APBA2: variants seen among roughly 807,000 people sequenced by gnomAD.
APBA2 encodes amyloid beta precursor protein binding family A member 2.
In APBA2, 30 loss-of-function variants were observed where a neutral mutation model predicts 75.0. That is an observed-to-expected ratio of 0.40 (90% CI 0.30 to 0.54). APBA2 has a LOEUF of 0.54. APBA2 is among the 20% of genes least tolerant of loss of function. The pLI, the probability that APBA2 is intolerant of heterozygous loss-of-function variation, is 0.49. For synonymous variants in APBA2, 444 were observed against 409.6 expected (o/e 1.08, Z -1.01); for missense variants, 801 against 1,016.1 (o/e 0.79, Z 2.88).
intron 6 of APBA2, among the ~76,000 whole-genome samples, chr15:29,091,058 G>A (rs568535847): frequency 1.3e-4 from 20 of 152,228 alleles, no homozygotes; most frequent in Admixed American, 9.2e-4. Flanking sequence ...TGATTCTCCT[G>A]GTGACAGGAG....
At chr15:28,922,038 C>G (rs967495697) in intron 2 of APBA2, among the ~76,000 whole-genome samples, 1 of 152,206 alleles carries the variant, frequency 6.6e-6, no homozygotes, top group Admixed American at 6.5e-5. Context: ...AGTCTCACCT[C>G]GGAGATCCTG....
At chr15:28,934,909 C>T (rs1476236053) in intron 2 of APBA2, among the ~76,000 whole-genome samples, 2 of 152,200 alleles carry the variant, frequency 1.3e-5, no homozygotes, top group Admixed American at 6.5e-5. Context: ...TGGGATAGAG[C>T]CCGGAGACCT....
chr15:28,988,373 C>T (rs1236308859), intron 2 of APBA2, among the ~76,000 whole-genome samples: 1 of 151,754 alleles, frequency 6.6e-6, no homozygotes. Flanking sequence ...AAGCGATTCT[C>T]CTACCTCAGC....
chr15:28,919,511 C>G (rs2033857089), intron 1 of APBA2: 1 of 152,702 alleles, frequency 6.5e-6, no homozygotes, highest in African/African-American at 2.4e-5. Flanking sequence ...TGCAGTGTGG[C>G]GTGCTGTGGG....
intron 1 of APBA2, among the ~76,000 whole-genome samples, chr15:28,907,322 T>C (rs893729412): frequency 6.6e-6 from 1 of 152,256 alleles, no homozygotes; most frequent in African/African-American, 2.4e-5. Flanking sequence ...TTCTGGATTC[T>C]CCATTCTAAT....
At chr15:29,004,025 G>A (rs542123167) in intron 3 of APBA2, among the ~76,000 whole-genome samples, 1 of 152,330 alleles carries the variant, frequency 6.6e-6, no homozygotes, top group Admixed American at 6.5e-5. Context: ...TGCTGCAGAT[G>A]TGTGGGGTGG....
At chr15:28,965,344 C>T (rs1183079851) in intron 2 of APBA2, among the ~76,000 whole-genome samples, 3 of 152,148 alleles carry the variant, frequency 2.0e-5, no homozygotes, top group African/African-American at 7.2e-5. Context: ...GTGTCTCTCC[C>T]TTTGCCTATA....
At chr15:29,071,169 A>C in intron 4 of APBA2, 1 of 401,892 alleles carries the variant, frequency 2.5e-6, no homozygotes, top group Non-Finnish European at 5.0e-6. Flanking sequence ...TTTCAGTTTC[A>C]TCAAGCAGGC....
chr15:29,020,925 T>C (rs1254940975), intron 3 of APBA2, among the ~76,000 whole-genome samples: 1 of 152,142 alleles, frequency 6.6e-6, no homozygotes, highest in Non-Finnish European at 1.5e-5. Flanking sequence ...TGCAATTCAA[T>C]ACTGTGTCTG....
chr15:28,987,729 G>C (rs8032000), intron 2 of APBA2, among the ~76,000 whole-genome samples: 1 of 106,276 alleles, frequency 9.4e-6, no homozygotes, highest in African/African-American at 4.3e-5. Context: ...TGTGGAGAGA[G>C]ATATATATAT....
rs549709026 is a variant in APBA2, at chr15:29,068,497, C to T, written c.952-6424C>T. Among the ~76,000 whole-genome samples the T allele has an allele frequency of 3.9e-4, 60 of 152,354 alleles. No individual in the cohort carries two copies. The South Asian group carries it at 6.4e-3, about 16-fold the overall frequency. ...GGCACTGTCTGCTTAGCTTGGTCAG[C>T]GCAGGGTCTACTGCAGCAGAGTGCC... is the stretch of plus-strand genomic sequence containing the variant. On this transcript the variant is annotated intron_variant, in intron 4 of 14. Transcript: ENST00000683413.
chr15:28,896,302 C>T (rs1258286180), intron 1 of APBA2, among the ~76,000 whole-genome samples: 1 of 152,104 alleles, frequency 6.6e-6, no homozygotes, highest in Non-Finnish European at 1.5e-5. Context: ...TCTTTTGAGA[C>T]AGAGTCTCAT....
rs1231011915 is a variant in APBA2 at position 29,054,791 on chromosome 15, A to G, written c.907A>G (p.Lys303Glu). Residue 303 changes from lysine (K) to glutamate (E), a missense_variant, in exon 4 of 15, where the codon AAG becomes GAG. Transcript: ENST00000683413. This position sits in a 1 kb window ranked among gnomAD's most constrained non-coding sequence, Gnocchi z 6.1. The stretch of plus-strand genomic sequence containing the variant: ...AGACCCCCAGAGAGGCTTCAAGCCC[A>G]AGACCAGGACCCCAGAAGAGAGGCT... ...PGDPQRGFKP[K>E]TRTPEERLKW... 7.5e-6 allele frequency: 12 copies of G among 1,602,364 alleles called. No homozygotes were observed. The East Asian group carries it at 2.7e-4, about 36-fold the overall frequency.
intron 3 of APBA2, among the ~76,000 whole-genome samples, chr15:29,043,373 T>A (rs1415115247): frequency 6.6e-6 from 1 of 152,202 alleles, no homozygotes; most frequent in Non-Finnish European, 1.5e-5. Flanking sequence ...TTCCAAGGGC[T>A]GCTGAGACTT....
At chr15:29,018,363 A>G (rs753549223) in intron 3 of APBA2, among the ~76,000 whole-genome samples, 6 of 152,172 alleles carry the variant, frequency 3.9e-5, no homozygotes, top group Non-Finnish European at 8.8e-5. Flanking sequence ...CTTTGATTGC[A>G]TCCATATGAT....
intron 10 of APBA2, among the ~76,000 whole-genome samples, chr15:29,103,790 G>A (rs1249391958): frequency 2.0e-5 from 3 of 152,218 alleles, no homozygotes; most frequent in African/African-American, 7.2e-5. Flanking sequence ...CTCGTCAGGC[G>A]GAGACAGAAG....
chr15:29,065,730 G>A (rs1000840675), intron 4 of APBA2, among the ~76,000 whole-genome samples: 1 of 152,196 alleles, frequency 6.6e-6, no homozygotes, highest in African/African-American at 2.4e-5. Flanking sequence ...AAGTGCTGGA[G>A]CTGAAGGAAG....
chr15:28,959,497 T>G (rs2152735159), intron 2 of APBA2, among the ~76,000 whole-genome samples: 1 of 152,352 alleles, frequency 6.6e-6, no homozygotes, highest in South Asian at 2.1e-4. Context: ...GATGGCCGTG[T>G]ACATACATGG....
intron 3 of APBA2, among the ~76,000 whole-genome samples, chr15:29,020,633 C>G (rs58433696): frequency 1.4e-5 from 2 of 145,356 alleles, no homozygotes; most frequent in Middle Eastern, 6.3e-3. Flanking sequence ...TGGTGAAACC[C>G]GGTCTCTACT....
Sources: gnomAD v4.1 joint callset for allele counts (sites outside exome capture counted in the v4.1 genomes callset) on GRCh38, gnomAD v4.1.1 for gene constraint, Gnocchi (gnomAD v3.1) non-coding constraint, MANE v1.5 for transcripts, NCBI Gene and HGNC (gene_info 2026-07-23, HGNC 2026-07-21) for gene names.